The following ANKS6 variants were observed in gnomAD, a reference collection of about 807,000 sequenced individuals.
The protein encoded by ANKS6 is ankyrin repeat and sterile alpha motif domain containing 6, also known as ankyrin repeat and SAM domain-containing protein 6.
In ANKS6, 47 loss-of-function variants were observed where a neutral mutation model predicts 77.9. The observed-to-expected ratio is 0.60, with a 90% CI of 0.48 to 0.77. ANKS6 has a LOEUF of 0.77. Ranked by LOEUF, ANKS6 falls within the 30% of genes least tolerant of loss-of-function variation. The pLI is 0.00. For synonymous variants in ANKS6, 488 were observed against 501.7 expected, an observed-to-expected ratio of 0.97 and a Z score of 0.37; for missense variants, 1,150 against 1,159.1, an observed-to-expected ratio of 0.99 and a Z score of 0.11.
Position 98,734,181 on chromosome 9 carries a change from CCTAGGAT to C in ANKS6, c.*2331_*2337del, listed in dbSNP as rs1361042113. ...CTCTTGTGAACCAGCACACAAACTTCCTAGGATGAAAAGCCTTGGACACTTGAGTCCA... is the reference window on the plus strand; with the variant it reads ...CTCTTGTGAACCAGCACACAAACTTCGAAAAGCCTTGGACACTTGAGTCCA... On this transcript the variant is annotated 3_prime_UTR_variant, in exon 15 of 15. Coordinates refer to ENST00000353234, the MANE Select transcript of ANKS6 (RefSeq NM_173551.5). 1.4e-5 allele frequency: 14 copies of C among 985,400 alleles called. No individual in the cohort carries two copies. The Admixed American group carries it at 4.9e-4, about 35-fold the overall frequency. 61.0% of individuals were successfully genotyped at this position (985,400 alleles called of 1,614,324 possible). A position where few individuals can be genotyped will look rare whatever the true frequency, so the allele number is the denominator to read the frequency against.
At chr9:98,743,671 C>T (rs1449789959) in intron 14 of ANKS6, among the ~76,000 whole-genome samples, 1 of 152,150 alleles carries the variant, frequency 6.6e-6, no homozygotes, top group African/African-American at 2.4e-5. Context: ...TGGGTGAATT[C>T]CTCAACTTCT....
intron 13 of ANKS6, among the ~76,000 whole-genome samples, chr9:98,749,494 G>A (rs546015808): frequency 3.3e-5 from 5 of 152,170 alleles, no homozygotes; most frequent in Middle Eastern, 3.2e-3. Flanking sequence ...ACCTCTGAAC[G>A]ATGAAGGACA....
At position 98,735,155 on chromosome 9, in the gene ANKS6, C is replaced by T; in HGVS notation, c.*1364G>A. 1.0e-6 allele frequency: 1 copy of T among 985,476 alleles called. No individual in the cohort carries two copies. The highest frequency in any genetic ancestry group is 1.2e-6 in the Non-Finnish European group (1 of 829,964). 61.0% of individuals were successfully genotyped at this position (985,476 alleles called of 1,614,324 possible). ...GACTGGGTACTTCCTGCAGACCCAG[C>T]ACTTTGGGCATACTGGTTCTAAGCT... On this transcript the variant is annotated 3_prime_UTR_variant, in exon 15 of 15. Transcript: ENST00000353234.
chr9:98,766,875 T>C (rs774815089), intron 11 of ANKS6, among the ~76,000 whole-genome samples: 5 of 152,176 alleles, frequency 3.3e-5, no homozygotes, highest in Non-Finnish European at 7.3e-5. Context: ...TTTGGACTTT[T>C]CTCACTGAAG....
chr9:98,771,543 T>C (rs1020823118), intron 9 of ANKS6, among the ~76,000 whole-genome samples: 1 of 152,200 alleles, frequency 6.6e-6, no homozygotes, highest in African/African-American at 2.4e-5. Context: ...CTGGTGCCAG[T>C]GCTCCTGGTC....
intron 11 of ANKS6, among the ~76,000 whole-genome samples, chr9:98,766,836 A>T (rs2118002072): frequency 6.6e-6 from 1 of 152,336 alleles, no homozygotes; most frequent in East Asian, 1.9e-4. Flanking sequence ...TGGTGGGCAA[A>T]GGTCCATGGA....
At position 98,793,031 on chromosome 9, in the gene ANKS6, C is replaced by T. The variant is rs971623915; in HGVS notation, c.360-2425G>A. ...ATGGGCATGCTAGGGGCTTTCTGAA[C>T]AGGTGCTGTGATTACTGATGAATTT... On this transcript the variant is annotated intron_variant, in intron 1 of 14. Coordinates refer to ENST00000353234, the MANE Select transcript of ANKS6 (RefSeq NM_173551.5). 1.1e-4 allele frequency among the ~76,000 whole-genome samples: 17 copies of T among 152,198 alleles called. 1 individual carries two copies. Among genetic ancestry groups the T allele is most frequent in the Admixed American group, 1.1e-3 (17 of 15,276 alleles).
At chr9:98,779,552 T>C (rs963431555) in intron 6 of ANKS6, among the ~76,000 whole-genome samples, 5 of 152,260 alleles carry the variant, frequency 3.3e-5, no homozygotes, top group South Asian at 2.1e-4. Context: ...GAGAGAGAGA[T>C]CTAGTAATAT....
intron 12 of ANKS6, among the ~76,000 whole-genome samples, chr9:98,755,606 C>T (rs981472376): frequency 6.6e-6 from 1 of 152,226 alleles, no homozygotes; most frequent in African/African-American, 2.4e-5. Context: ...CTTGCCCTCA[C>T]CCATCCCCCT....
intron 4 of ANKS6, 171 bp downstream of exon 4, chr9:98,783,782 G>T: frequency 2.0e-6 from 1 of 503,640 alleles, no homozygotes; most frequent in Non-Finnish European, 3.1e-6. Flanking sequence ...AGAAGGGTGG[G>T]ACTAAAATGA....
At chr9:98,776,745 C>T (rs904888817) in intron 8 of ANKS6, among the ~76,000 whole-genome samples, 5 of 152,192 alleles carry the variant, frequency 3.3e-5, no homozygotes, top group Admixed American at 6.5e-5. Context: ...CCATGGCTAC[C>T]TCTTCTCCCC....
rs1226580684 is a variant in ANKS6, at chr9:98,768,223, T to C, written c.2000A>G (p.Gln667Arg). The C allele has an allele frequency of 6.2e-7, 1 of 1,614,122 alleles. No individual in the cohort carries two copies. The highest frequency in any genetic ancestry group is 8.5e-7 in the Non-Finnish European group (1 of 1,180,032). Reference protein sequence around the residue: ...SGGSIDNVLSQIAAQRKKAAG... With the variant: ...SGGSIDNVLSRIAAQRKKAAG... ...TGCTTTTTTCCTCTGGGCAGCGATT[T>C]GGGACAAGACATTGTCTATGCTGCC... is the stretch of plus-strand genomic sequence containing the variant. The change falls in exon 11 of 15, where the codon CAA (glutamine) becomes CGA (arginine). Residue 667 changes from glutamine (Q) to arginine (R), a missense_variant. Coordinates refer to ENST00000353234, the MANE Select transcript of ANKS6 (RefSeq NM_173551.5).
chr9:98,751,212 C>A, intron 12 of ANKS6, 116 bp from the exon 13 acceptor site: 3 of 850,646 alleles, frequency 3.5e-6, no homozygotes, highest in Non-Finnish European at 5.4e-6. Flanking sequence ...TAAGAAACAC[C>A]AACACAGAAA....
intron 1 of ANKS6, among the ~76,000 whole-genome samples, chr9:98,794,234 G>T (rs559638961): frequency 6.6e-6 from 1 of 151,942 alleles, no homozygotes; most frequent in Non-Finnish European, 1.5e-5. Context: ...AAGGCACAGG[G>T]TGTCTAATAG....
At chr9:98,750,698 G>A (rs557619017) in intron 13 of ANKS6, among the ~76,000 whole-genome samples, 2 of 152,190 alleles carry the variant, frequency 1.3e-5, no homozygotes, top group South Asian at 2.1e-4. Context: ...ACATAACACA[G>A]GTTCCTTAGG....
rs1588404704 is a variant in ANKS6 at position 98,782,366 on chromosome 9, A to C, written c.1219+101T>G. 3.7e-6 allele frequency: 4 copies of C among 1,069,256 alleles called. No homozygotes were observed. In the East Asian group the frequency reaches 9.7e-5, roughly 26 times the overall value. The allele number at this position is 1,069,256 out of a possible 1,614,324, so 66.2% of individuals were successfully genotyped here. On this transcript the variant is annotated intron_variant, in intron 5 of 14. Transcript: ENST00000353234. The stretch of plus-strand genomic sequence containing the variant: ...TGAGAGTGACTTTCCCCCACGAATA[A>C]GCAAGTGCTTAAAACACAAGTCACA...
chr9:98,749,813 A>T (rs1462414829), intron 13 of ANKS6, among the ~76,000 whole-genome samples: 1 of 152,206 alleles, frequency 6.6e-6, no homozygotes, highest in African/African-American at 2.4e-5. Flanking sequence ...TTCTTGAACT[A>T]AAATACGAGC....
intron 11 of ANKS6, among the ~76,000 whole-genome samples, chr9:98,765,519 T>C (rs1358815003): frequency 1.3e-5 from 2 of 152,208 alleles, no homozygotes; most frequent in African/African-American, 2.4e-5. Flanking sequence ...TCAGTTGTCC[T>C]GGCCACCTCA....
In ANKS6 at chr9:98,739,758, A is replaced by ATTTTTTTTTTTTTTTTTTTTT. The variant is rs749499336; in HGVS notation, c.2512-3136_2512-3135insAAAAAAAAAAAAAAAAAAAAA. On this transcript the variant is annotated intron_variant, in intron 14 of 14. Transcript: ENST00000353234. ...CTCAGAGGGCAGCAGTGGATTAAACATTTTTTTTTTTTTTTTGAGACGGAG... is the reference window on the plus strand; with the variant it reads ...CTCAGAGGGCAGCAGTGGATTAAACATTTTTTTTTTTTTTTTTTTTTTTTTTTTTTTTTTTTTGAGACGGAG... Among the ~76,000 whole-genome samples, 28 of 88,862 alleles carry ATTTTTTTTTTTTTTTTTTTTT rather than the reference A, an allele frequency of 3.2e-4. 8 individuals carry two copies. The highest frequency in any genetic ancestry group is 8.8e-4 in the East Asian group (3 of 3,400). The allele number at this position is 88,862 out of a possible 152,430, so 58.3% of individuals were successfully genotyped here.
Sources: allele counts gnomAD v4.1 joint callset (sites outside exome capture counted in the v4.1 genomes callset), GRCh38; gene constraint gnomAD v4.1.1; transcripts MANE v1.5; gene names NCBI Gene and HGNC (gene_info 2026-07-23, HGNC 2026-07-21).